Variants in KIF26B observed in about 807,000 individuals in gnomAD.
KIF26B encodes the protein kinesin family member 26B.
A neutral mutation model predicts 151.2 loss-of-function variants in KIF26B; 63 were observed. That is an observed-to-expected ratio of 0.42 (90% CI 0.34 to 0.51). KIF26B has a LOEUF of 0.51. KIF26B is among the 20% of genes least tolerant of loss of function. KIF26B has a pLI of 0.07. For missense variants in KIF26B, 2,813 were observed against 2,913.6 expected (o/e 0.97, Z 0.79); for synonymous variants, 1,357 against 1,262.1 (o/e 1.08, Z -1.59).
At chr1:245,372,990 C>T (rs1673163598) in intron 3 of KIF26B, among the ~76,000 whole-genome samples, 1 of 152,202 alleles carries the variant, frequency 6.6e-6, no homozygotes, top group Non-Finnish European at 1.5e-5. Flanking sequence ...ATTTTATGAA[C>T]TATAAAGCAG....
chr1:245,691,581 C>G (rs2044627460), intron 12 of KIF26B, among the ~76,000 whole-genome samples: 1 of 152,150 alleles, frequency 6.6e-6, no homozygotes, highest in South Asian at 2.1e-4. Context: ...TCAAAAGCAA[C>G]TTCTTTAAGA....
rs55885165 is a variant in KIF26B, at chr1:245,246,946, GACAC to G, written c.465+90277_465+90280del. On this transcript the variant is annotated intron_variant, in intron 2 of 14. Coordinates refer to ENST00000407071, the MANE Select transcript of KIF26B (RefSeq NM_018012.4). The stretch of plus-strand genomic sequence containing the variant: ...ACAGACACAGACACACACAGATACA[GACAC>G]ACACACACACACAGACACAGACACA... Among the ~76,000 whole-genome samples, 550 of 143,958 alleles carry G rather than the reference GACAC, an allele frequency of 3.8e-3. 4 individuals carry two copies. The highest frequency in any genetic ancestry group is 7.2e-3 in the Middle Eastern group (2 of 278). 94.4% of individuals were successfully genotyped at this position (143,958 alleles called of 152,430 possible).
chr1:245,602,252 G>A lies in KIF26B; in HGVS notation c.1351-325G>A, dbSNP rs1476745495. On this transcript the variant is annotated intron_variant, in intron 5 of 14. Coordinates refer to ENST00000407071, the MANE Select transcript of KIF26B (RefSeq NM_018012.4). This position sits in a 1 kb window ranked among gnomAD's most constrained non-coding sequence, Gnocchi z 4.5. ...CCAGCCCCTATAGTTTGGCAGTCCA[G>A]ACTACCTTTTCATCTGTGTAATTGG... Among the ~76,000 whole-genome samples the A allele has an allele frequency of 6.6e-6, 1 of 152,106 alleles. No individual in the cohort carries two copies. Among genetic ancestry groups the A allele is most frequent in the Admixed American group, 6.5e-5 (1 of 15,270 alleles).
intron 2 of KIF26B, among the ~76,000 whole-genome samples, chr1:245,243,568 A>G (rs566732648): frequency 3.1e-4 from 47 of 152,168 alleles, no homozygotes; most frequent in Non-Finnish European, 6.0e-4. Flanking sequence ...CACAGTGTTT[A>G]AAGAGTCTTT....
intron 3 of KIF26B, among the ~76,000 whole-genome samples, chr1:245,376,846 C>T (rs1673288151): frequency 6.6e-6 from 1 of 152,106 alleles, no homozygotes; most frequent in Non-Finnish European, 1.5e-5. Context: ...CACCACCACA[C>T]CCAGCTAATT....
At chr1:245,689,553 T>G (rs1224306986) in intron 12 of KIF26B, among the ~76,000 whole-genome samples, 4 of 152,210 alleles carry the variant, frequency 2.6e-5, no homozygotes, top group African/African-American at 4.8e-5. Flanking sequence ...AGAAAGTCTT[T>G]GCCATTTCTT....
intron 5 of KIF26B, among the ~76,000 whole-genome samples, chr1:245,578,842 A>G (rs1459044553): frequency 1.3e-5 from 2 of 152,232 alleles, no homozygotes; most frequent in African/African-American, 4.8e-5. Context: ...CAAAGCAGCA[A>G]CTTCATTCAA....
chr1:245,365,725 T>A (rs1270817203), intron 2 of KIF26B, among the ~76,000 whole-genome samples: 1 of 151,946 alleles, frequency 6.6e-6, no homozygotes, highest in East Asian at 1.9e-4. Flanking sequence ...CAGCCCACAC[T>A]CTCCTATCCC....
rs1209084216 is a variant in KIF26B at position 245,170,915 on chromosome 1, T to C, written c.465+14232T>C. Reference sequence around the variant, plus strand: ...TTCATGTTTGGTTTAATTTTTCCCTTTATCTGGTAATTGATTCTGCACTGT... The same window carrying C: ...TTCATGTTTGGTTTAATTTTTCCCTCTATCTGGTAATTGATTCTGCACTGT... On this transcript the variant is annotated intron_variant, in intron 2 of 14. Coordinates refer to ENST00000407071, the MANE Select transcript of KIF26B (RefSeq NM_018012.4). This position sits in a 1 kb window ranked among gnomAD's most constrained non-coding sequence, Gnocchi z 4.4. Among the ~76,000 whole-genome samples the C allele has an allele frequency of 3.3e-5, 5 of 152,198 alleles. No individual in the cohort carries two copies. The highest frequency in any genetic ancestry group is 5.9e-5 in the Non-Finnish European group (4 of 68,026).
rs150784890 is a variant in KIF26B, at chr1:245,292,151, G to A, written c.466-74683G>A. 5.4e-4 allele frequency among the ~76,000 whole-genome samples: 83 copies of A among 152,318 alleles called. 2 individuals carry two copies. In the East Asian group the frequency reaches 0.016, roughly 29 times the overall value. The stretch of plus-strand genomic sequence containing the variant: ...CAAAACACTCTACCCAGCGGGGTGT[G>A]AGGAAGAAAGCAATCCGATGACATC... On this transcript the variant is annotated intron_variant, in intron 2 of 14. Transcript: ENST00000407071.
chr1:245,374,602 C>T (rs1673228884), intron 3 of KIF26B, among the ~76,000 whole-genome samples: 1 of 152,102 alleles, frequency 6.6e-6, no homozygotes, highest in Non-Finnish European at 1.5e-5. Flanking sequence ...CCACTTGCTG[C>T]TGTGTCTACC....
intron 9 of KIF26B, among the ~76,000 whole-genome samples, chr1:245,631,061 C>T (rs114224812): frequency 2.0e-4 from 31 of 152,258 alleles, no homozygotes; most frequent in Non-Finnish European, 3.8e-4. Context: ...TATTATATGC[C>T]ATCTGCAGAG....
At position 245,686,629 on chromosome 1, in the gene KIF26B, G is replaced by A. The variant is rs766451582; in HGVS notation, c.3646G>A (p.Asp1216Asn). ...CACCAGCATCATCAGCTTCAACAGCGACTGCTCTGCACGGGCCCTGGCCTC... is the reference window on the plus strand; with the variant it reads ...CACCAGCATCATCAGCTTCAACAGCAACTGCTCTGCACGGGCCCTGGCCTC... ...RPTSIISFNS[D>N]CSARALASGS... Residue 1216 changes from aspartate (D) to asparagine (N), a missense_variant, in exon 12 of 15, where the codon GAC (aspartate) becomes AAC (asparagine). Asp to Asn is a conservative substitution (Grantham distance 23). Coordinates refer to ENST00000407071, the MANE Select transcript of KIF26B (RefSeq NM_018012.4). This position sits in a 1 kb window ranked among gnomAD's most constrained non-coding sequence, Gnocchi z 5.6. The A allele has an allele frequency of 4.3e-6, 7 of 1,610,814 alleles. No homozygotes were observed. The highest frequency in any genetic ancestry group is 3.3e-5 in the South Asian group (3 of 90,678).
intron 4 of KIF26B, among the ~76,000 whole-genome samples, chr1:245,505,676 C>T (rs1001250969): frequency 2.0e-5 from 3 of 152,152 alleles, no homozygotes; most frequent in African/African-American, 7.2e-5. Context: ...TGAGCCACTG[C>T]GGCTCATACA....
rs1670170084 is a variant in KIF26B at position 245,239,276 on chromosome 1, A to G, written c.465+82593A>G. 6.6e-6 allele frequency among the ~76,000 whole-genome samples: 1 copy of G among 152,234 alleles called. No individual in the cohort carries two copies. The highest frequency in any genetic ancestry group is 2.4e-5 in the African/African-American group (1 of 41,462). On this transcript the variant is annotated intron_variant, in intron 2 of 14. Transcript: ENST00000407071. The surrounding 1 kb of genome is among the most constrained non-coding windows in gnomAD (Gnocchi z 4.3). ...CCCGCAGAAAATGATGATGTTGCAC[A>G]AGGCGAAGAAGCAGATATTGACATG...
intron 4 of KIF26B, among the ~76,000 whole-genome samples, chr1:245,431,679 A>G (rs1472257541): frequency 6.6e-6 from 1 of 151,976 alleles, no homozygotes; most frequent in African/African-American, 2.4e-5. Context: ...GGGTTTCACC[A>G]TATTGGCCAG....
intron 2 of KIF26B, among the ~76,000 whole-genome samples, chr1:245,325,835 GA>G (rs1447525418): frequency 6.6e-6 from 1 of 152,224 alleles, no homozygotes; most frequent in African/African-American, 2.4e-5. Flanking sequence ...GTGTGTGGCG[GA>G]GGGGGGGTGG....
intron 2 of KIF26B, among the ~76,000 whole-genome samples, chr1:245,350,729 A>G (rs983269152): frequency 6.6e-6 from 1 of 152,162 alleles, no homozygotes; most frequent in Non-Finnish European, 1.5e-5. Context: ...GGGAAAACTG[A>G]CCACAGGTTG....
rs187071511 is a variant in KIF26B at position 245,359,726 on chromosome 1, C to T, written c.466-7108C>T. Among the ~76,000 whole-genome samples, 1,248 of 150,628 alleles carry T rather than the reference C, an allele frequency of 8.3e-3. 12 individuals carry two copies. The highest frequency in any genetic ancestry group is 0.014 in the Non-Finnish European group (915 of 67,596). On this transcript the variant is annotated intron_variant, in intron 2 of 14. Coordinates refer to ENST00000407071, the MANE Select transcript of KIF26B (RefSeq NM_018012.4). Reference sequence around the variant, plus strand: ...CTTCCCTCCCTTCCTTCCTTCCTTCCGATATGGGTTTTCCTCATGTTGTCC... The same window carrying T: ...CTTCCCTCCCTTCCTTCCTTCCTTCTGATATGGGTTTTCCTCATGTTGTCC...
Sources: allele counts gnomAD v4.1 joint callset (sites outside exome capture counted in the v4.1 genomes callset), GRCh38; gene constraint gnomAD v4.1.1; non-coding constraint Gnocchi (gnomAD v3.1); transcripts MANE v1.5; gene names NCBI Gene and HGNC (gene_info 2026-07-23, HGNC 2026-07-21).